The following CAMK1D variants were observed in gnomAD, a reference collection of about 807,000 sequenced individuals.
CAMK1D encodes calcium/calmodulin dependent protein kinase ID.
A neutral mutation model predicts 47.7 loss-of-function variants in CAMK1D; 9 were observed. The observed-to-expected ratio is 0.19, with a 90% confidence interval of 0.11 to 0.33. The LOEUF is 0.33. Ranked by LOEUF, CAMK1D falls within the 10% of genes least tolerant of loss-of-function variation. CAMK1D has a pLI of 1.00. For synonymous variants in CAMK1D, 184 were observed against 184.9 expected (o/e 0.99, Z 0.04); for missense variants, 291 against 488.7 (o/e 0.60, Z 3.81).
rs563471813 is a variant in CAMK1D at position 12,806,586 on chromosome 10, C to T, written c.642-7609C>T. Among the ~76,000 whole-genome samples the T allele has an allele frequency of 2.0e-4, 31 of 152,348 alleles. No individual in the cohort carries two copies. The South Asian group carries it at 3.7e-3, about 18-fold the overall frequency. On this transcript the variant is annotated intron_variant, in intron 6 of 10. Transcript: ENST00000619168. Reference sequence around the variant, plus strand: ...TCCCTTTTGCAGCTCTGCAGCCCAGCAGGGCCTAACCGTGTTGAGGCTCCT... The same window carrying T: ...TCCCTTTTGCAGCTCTGCAGCCCAGTAGGGCCTAACCGTGTTGAGGCTCCT...
At chr10:12,792,224 C>T (rs1308812013) in intron 6 of CAMK1D, among the ~76,000 whole-genome samples, 6 of 152,206 alleles carry the variant, frequency 3.9e-5, no homozygotes, top group Non-Finnish European at 5.9e-5. Context: ...CGTCTTATCT[C>T]CATAACCCAG....
At chr10:12,526,505 G>T (rs1429095033) in intron 1 of CAMK1D, among the ~76,000 whole-genome samples, 1 of 152,020 alleles carries the variant, frequency 6.6e-6, no homozygotes, top group East Asian at 1.9e-4. Context: ...CAGGTGTCTT[G>T]TCAGAAGATG....
intron 2 of CAMK1D, among the ~76,000 whole-genome samples, chr10:12,558,942 C>G (rs1225345593): frequency 6.6e-6 from 1 of 152,164 alleles, no homozygotes; most frequent in African/African-American, 2.4e-5. Context: ...TGGTCTCTGC[C>G]TCTTTCTCTC....
At chr10:12,443,629 TA>T (rs1171683267) in intron 1 of CAMK1D, among the ~76,000 whole-genome samples, 94 of 152,086 alleles carry the variant, frequency 6.2e-4, no homozygotes, top group South Asian at 1.2e-3. Flanking sequence ...TATTTTATTT[TA>T]TTTTTTTTTT....
rs962262327 is a variant in CAMK1D, at chr10:12,373,826, G to A, written c.92+23916G>A. 5.9e-5 allele frequency among the ~76,000 whole-genome samples: 9 copies of A among 151,854 alleles called. No homozygotes were observed. In the South Asian group the frequency reaches 1.2e-3, roughly 21 times the overall value. ...GCGGTGGCTCACGCCTGTAATCCCA[G>A]CCCTTTGGGAGGCCGAGGCAGGCGG... is the stretch of plus-strand genomic sequence containing the variant. On this transcript the variant is annotated intron_variant, in intron 1 of 10. Transcript: ENST00000619168.
At chr10:12,421,290 A>G (rs1371011378) in intron 1 of CAMK1D, among the ~76,000 whole-genome samples, 2 of 152,174 alleles carry the variant, frequency 1.3e-5, no homozygotes, top group African/African-American at 4.8e-5. Flanking sequence ...TGAATAAAGC[A>G]TCTAGTTTCT....
intron 1 of CAMK1D, among the ~76,000 whole-genome samples, chr10:12,403,541 TAA>T (rs1316259726): frequency 1.1e-4 from 17 of 152,182 alleles, no homozygotes; most frequent in Admixed American, 9.2e-4. Flanking sequence ...AGCTATTCTA[TAA>T]AGACTCAAAA....
intron 2 of CAMK1D, among the ~76,000 whole-genome samples, chr10:12,570,890 G>A (rs111974025): frequency 6.6e-6 from 1 of 152,108 alleles, no homozygotes; most frequent in African/African-American, 2.4e-5. Flanking sequence ...GGCGGAGGTT[G>A]TAGTGAGCCG....
At chr10:12,508,546 A>G (rs901691622) in intron 1 of CAMK1D, among the ~76,000 whole-genome samples, 4 of 152,224 alleles carry the variant, frequency 2.6e-5, no homozygotes, top group African/African-American at 7.2e-5. Context: ...GGGAAGATGA[A>G]AAAATTCTGG....
chr10:12,539,012 C>G (rs1266949672), intron 1 of CAMK1D, among the ~76,000 whole-genome samples: 1 of 152,182 alleles, frequency 6.6e-6, no homozygotes, highest in Admixed American at 6.5e-5. Context: ...AGCAATCCTC[C>G]TGCCTTGGTC....
At chr10:12,686,915 A>G (rs910399705) in intron 3 of CAMK1D, among the ~76,000 whole-genome samples, 2 of 152,242 alleles carry the variant, frequency 1.3e-5, no homozygotes, top group Admixed American at 6.5e-5. Context: ...AGTTCCCTCT[A>G]GCAGACTGGA....
intron 1 of CAMK1D, among the ~76,000 whole-genome samples, chr10:12,468,255 A>G (rs949160008): frequency 3.9e-5 from 6 of 152,058 alleles, no homozygotes; most frequent in Non-Finnish European, 7.3e-5. Context: ...ACGGGTCTTC[A>G]TTCTGTTGCC....
intron 1 of CAMK1D, among the ~76,000 whole-genome samples, chr10:12,451,841 G>T (rs1833092051): frequency 6.6e-6 from 1 of 152,098 alleles, no homozygotes. Flanking sequence ...GCTTCTGGAA[G>T]ATTCCCTGGG....
chr10:12,595,357 A>AAAAAAAAAAAAAAAAC (rs1838116088), intron 2 of CAMK1D, among the ~76,000 whole-genome samples: 1 of 149,742 alleles, frequency 6.7e-6, no homozygotes, highest in African/African-American at 2.4e-5. Flanking sequence ...AAAAAAAAAA[A>AAAAAAAAAAAAAAAAC]AAAAAAAGGA....
At chr10:12,683,638 A>G (rs1832537436) in intron 3 of CAMK1D, among the ~76,000 whole-genome samples, 1 of 151,924 alleles carries the variant, frequency 6.6e-6, no homozygotes, top group Non-Finnish European at 1.5e-5. Context: ...TGAAAACAGG[A>G]TCATTGTTTT....
intron 2 of CAMK1D, among the ~76,000 whole-genome samples, chr10:12,662,651 C>CAAAAAAAAAAAA (rs56807588): frequency 4.3e-5 from 6 of 140,496 alleles, no homozygotes; most frequent in South Asian, 2.4e-4. Context: ...CACTCTGCCT[C>CAAAAAAAAAAAA]AAAAAAAAAA....
chr10:12,734,322 CAAAAAAAAAAAAAAA>C (rs1201573872), intron 3 of CAMK1D, among the ~76,000 whole-genome samples: 1 of 23,580 alleles, frequency 4.2e-5, no homozygotes, highest in African/African-American at 2.7e-4. Flanking sequence ...GACTCCATCT[CAAAAAAAAAAAAAAA>C]AAAAAAAAAT....
intron 2 of CAMK1D, among the ~76,000 whole-genome samples, chr10:12,587,403 T>G (rs1048610361): frequency 6.6e-6 from 1 of 152,102 alleles, no homozygotes; most frequent in African/African-American, 2.4e-5. Flanking sequence ...TCTCCATTTG[T>G]TCTGGGTTAG....
intron 2 of CAMK1D, among the ~76,000 whole-genome samples, chr10:12,651,017 GA>G (rs1276388567): frequency 6.6e-6 from 1 of 152,210 alleles, no homozygotes; most frequent in Non-Finnish European, 1.5e-5. Context: ...GGGGCTTCAT[GA>G]GACTGGGAAT....
Sources: gnomAD v4.1 joint callset for allele counts (sites outside exome capture counted in the v4.1 genomes callset) on GRCh38, gnomAD v4.1.1 for gene constraint, MANE v1.5 for transcripts, NCBI Gene and HGNC (gene_info 2026-07-23, HGNC 2026-07-21) for gene names.